The following DLGAP1 variants were observed in gnomAD, a reference collection of about 807,000 sequenced individuals.
DLGAP1 encodes the protein DLG associated protein 1.
DLGAP1 carries 11 observed loss-of-function variants against 90.8 expected under a neutral mutation model. That is an observed-to-expected ratio of 0.12 (90% confidence interval 0.08 to 0.20). The LOEUF (loss-of-function observed/expected upper bound fraction) is 0.20. Ranked by LOEUF, DLGAP1 falls within the 10% of genes least tolerant of loss-of-function variation. The pLI, the probability that DLGAP1 is intolerant of heterozygous loss-of-function variation, is 1.00. For synonymous variants in DLGAP1, 558 were observed against 540.7 expected, an observed-to-expected ratio of 1.03 and a Z score of -0.44; for missense variants, 1,050 against 1,333.8, an observed-to-expected ratio of 0.79 and a Z score of 3.31.
chr18:3,763,744 A>G (rs1041884439), intron 5 of DLGAP1, among the ~76,000 whole-genome samples: 7 of 150,818 alleles, frequency 4.6e-5, no homozygotes, highest in African/African-American at 1.7e-4. Flanking sequence ...TCTCACTGCA[A>G]CCTCCATCTC....
chr18:3,956,863 G>C (rs2073096184), intron 3 of DLGAP1, among the ~76,000 whole-genome samples: 1 of 151,848 alleles, frequency 6.6e-6, no homozygotes, highest in African/African-American at 2.4e-5. Flanking sequence ...TGTTGCCCAG[G>C]CTTGTCTCAA....
intron 2 of DLGAP1, among the ~76,000 whole-genome samples, chr18:4,143,649 C>T (rs1486123768): frequency 6.6e-6 from 1 of 151,998 alleles, no homozygotes; most frequent in African/African-American, 2.4e-5. Context: ...ACAAAGTCCA[C>T]TTTACTTTCC....
chr18:3,610,490 A>G (rs2057554008), intron 7 of DLGAP1, among the ~76,000 whole-genome samples: 1 of 151,904 alleles, frequency 6.6e-6, no homozygotes, highest in African/African-American at 2.4e-5. Context: ...GCCATAACCT[A>G]TTTTGCCATG....
At position 3,580,818 on chromosome 18, in the gene DLGAP1, T is replaced by G. The variant is rs2055455395; in HGVS notation, c.1965+1057A>C. On this transcript the variant is annotated intron_variant, in intron 8 of 12. Coordinates refer to ENST00000315677, the MANE Select transcript of DLGAP1 (RefSeq NM_004746.4). ...GTGCCGAAGCGTCTTCCACCTGCCG[T>G]GCGGACCGTGGAAAATAAAAGGCTC... 2.6e-6 allele frequency: 4 copies of G among 1,523,024 alleles called. No homozygotes were observed. The Admixed American group carries it at 5.5e-5, about 21-fold the overall frequency. 94.3% of individuals were successfully genotyped at this position (1,523,024 alleles called of 1,614,324 possible).
chr18:3,545,574 A>T (rs556185597), intron 9 of DLGAP1, among the ~76,000 whole-genome samples: 1 of 152,184 alleles, frequency 6.6e-6, no homozygotes, highest in African/African-American at 2.4e-5. Flanking sequence ...AGAAATAAAT[A>T]GGCCGGGAGC....
In DLGAP1 at chr18:3,780,064, A is replaced by G. The variant is rs771190582; in HGVS notation, c.1172+33995T>C. On this transcript the variant is annotated intron_variant, in intron 5 of 12. Coordinates refer to ENST00000315677, the MANE Select transcript of DLGAP1 (RefSeq NM_004746.4). Reference sequence around the variant, plus strand: ...AGGCCTCCCAAAGTGCTGGGATTACAGGCATGAGCCACCGCTCCCGGCCTG... The same window carrying G: ...AGGCCTCCCAAAGTGCTGGGATTACGGGCATGAGCCACCGCTCCCGGCCTG... Among the ~76,000 whole-genome samples, 10 of 152,320 alleles carry G rather than the reference A, an allele frequency of 6.6e-5. 1 individual carries two copies. Among genetic ancestry groups the G allele is most frequent in the Middle Eastern group, 6.8e-3 (2 of 294 alleles).
chr18:4,158,005 A>G (rs1380826714), intron 1 of DLGAP1, among the ~76,000 whole-genome samples: 3 of 152,170 alleles, frequency 2.0e-5, no homozygotes, highest in African/African-American at 7.2e-5. Flanking sequence ...AGACATACAA[A>G]GAGAGAGAAA....
Position 3,523,565 on chromosome 18 carries a change from C to T in DLGAP1, c.2479+10629G>A, listed in dbSNP as rs552626334. On this transcript the variant is annotated intron_variant, in intron 10 of 12. Coordinates refer to ENST00000315677, the MANE Select transcript of DLGAP1 (RefSeq NM_004746.4). ...CTCAATTTAAAAATGGGCAAAGGTC[C>T]GACCAGGTGCGGTGGCTCACGCCTG... is the stretch of plus-strand genomic sequence containing the variant. Among the ~76,000 whole-genome samples the T allele has an allele frequency of 1.8e-3, 268 of 151,828 alleles. 2 individuals are homozygous for T. Among genetic ancestry groups the T allele is most frequent in the Middle Eastern group, 3.4e-3 (1 of 294 alleles).
intron 2 of DLGAP1, among the ~76,000 whole-genome samples, chr18:4,146,966 G>T (rs1056730865): frequency 6.6e-6 from 1 of 152,098 alleles, no homozygotes; most frequent in African/African-American, 2.4e-5. Flanking sequence ...ACAGACAGAA[G>T]GAACAGTTAT....
intron 6 of DLGAP1, among the ~76,000 whole-genome samples, chr18:3,741,116 C>T (rs1420824436): frequency 7.7e-6 from 1 of 129,062 alleles, no homozygotes; most frequent in Non-Finnish European, 1.6e-5. Flanking sequence ...CCATCACCAC[C>T]ACCATCACCA....
intron 7 of DLGAP1, among the ~76,000 whole-genome samples, chr18:3,725,857 G>A (rs35706947): frequency 0.09 from 13,666 of 152,194 alleles, 782 homozygotes; most frequent in Admixed American, 0.17. Context: ...GATCCCTGCA[G>A]CCACCTAGAG....
intron 5 of DLGAP1, among the ~76,000 whole-genome samples, chr18:3,752,907 C>A (rs540794796): frequency 6.6e-6 from 1 of 152,162 alleles, no homozygotes; most frequent in East Asian, 1.9e-4. Flanking sequence ...TGAATATACA[C>A]CAAAATCTGT....
chr18:4,062,406 C>T (rs551042566), intron 2 of DLGAP1, among the ~76,000 whole-genome samples: 2 of 152,248 alleles, frequency 1.3e-5, no homozygotes, highest in African/African-American at 4.8e-5. Context: ...TACAGGGTAC[C>T]TGATTTGTGG....
chr18:3,664,183 TAC>T (rs35653599), intron 7 of DLGAP1, among the ~76,000 whole-genome samples: 9,016 of 135,348 alleles, frequency 0.067, 295 homozygotes, highest in African/African-American at 0.1. Flanking sequence ...TGGGTCAGTA[TAC>T]ACACACACAC....
intron 9 of DLGAP1, among the ~76,000 whole-genome samples, chr18:3,538,105 G>A (rs553811872): frequency 1.3e-5 from 2 of 152,266 alleles, no homozygotes; most frequent in African/African-American, 2.4e-5. Flanking sequence ...TTGCAAGACT[G>A]TAGAAAGACT....
intron 7 of DLGAP1, among the ~76,000 whole-genome samples, chr18:3,680,401 A>G (rs1399648398): frequency 6.6e-6 from 1 of 152,238 alleles, no homozygotes; most frequent in Non-Finnish European, 1.5e-5. Flanking sequence ...TACAGTGATC[A>G]CAGAGTCTCA....
chr18:3,543,367 C>G (rs1025372309), intron 9 of DLGAP1, among the ~76,000 whole-genome samples: 10 of 151,988 alleles, frequency 6.6e-5, no homozygotes, highest in Non-Finnish European at 1.2e-4. Flanking sequence ...GGGTTTCACC[C>G]TGTTAGCCAG....
intron 1 of DLGAP1, among the ~76,000 whole-genome samples, chr18:4,261,379 A>G (rs933531919): frequency 6.6e-6 from 1 of 151,948 alleles, no homozygotes; most frequent in Non-Finnish European, 1.5e-5. Context: ...CTTTTACTCT[A>G]TCTTCTAGCA....
At chr18:4,181,774 C>T (rs896543319) in intron 1 of DLGAP1, among the ~76,000 whole-genome samples, 1 of 151,920 alleles carries the variant, frequency 6.6e-6, no homozygotes, top group Non-Finnish European at 1.5e-5. Context: ...TACTCATCAA[C>T]AAACACATCT....
Sources: gnomAD v4.1 joint callset for allele counts (sites outside exome capture counted in the v4.1 genomes callset) on GRCh38, gnomAD v4.1.1 for gene constraint, MANE v1.5 for transcripts, NCBI Gene and HGNC (gene_info 2026-07-23, HGNC 2026-07-21) for gene names.